Variants in CASD1 observed in about 807,000 individuals in gnomAD.
CASD1 encodes N-acetylneuraminate (7)9-O-acetyltransferase.
In CASD1, 41 loss-of-function variants were observed where a neutral mutation model predicts 100.0. The observed-to-expected ratio is 0.41, with a 90% CI of 0.32 to 0.53. The LOEUF is 0.53. Ranked by LOEUF, CASD1 falls within the 20% of genes least tolerant of loss-of-function variation. CASD1 has a pLI of 0.25. For synonymous variants in CASD1, 321 were observed against 315.6 expected, an observed-to-expected ratio of 1.02 and a Z score of -0.18; for missense variants, 774 against 948.7, an observed-to-expected ratio of 0.82 and a Z score of 2.42.
intron 10 of CASD1, among the ~76,000 whole-genome samples, chr7:94,541,751 G>A (rs534940370): frequency 5.9e-4 from 89 of 151,844 alleles, no homozygotes; most frequent in Non-Finnish European, 1.1e-3. Flanking sequence ...CAAAATAATA[G>A]AGAATTTTGA....
chr7:94,606,207 G>T, the CASD1 span, among the ~76,000 whole-genome samples: 1 of 152,090 alleles, frequency 6.6e-6, no homozygotes, highest in Non-Finnish European at 1.5e-5. Flanking sequence ...TGAAAAACAA[G>T]ATCCAACTAT....
At chr7:94,584,901 C>G in the CASD1 span, 1 of 152,340 alleles carries the variant, frequency 6.6e-6, no homozygotes, top group Admixed American at 6.5e-5. Context: ...CACCAAATAT[C>G]TGATTATGAA....
chr7:94,517,245 T>G (rs1024326767), intron 1 of CASD1, among the ~76,000 whole-genome samples: 1 of 152,084 alleles, frequency 6.6e-6, no homozygotes, highest in South Asian at 2.1e-4. Context: ...AGGGGAGATA[T>G]TCAGATGTAA....
chr7:94,615,862 C>G, the CASD1 span, among the ~76,000 whole-genome samples: 1 of 152,182 alleles, frequency 6.6e-6, no homozygotes, highest in African/African-American at 2.4e-5. Flanking sequence ...AGCTTTATCC[C>G]AGGCTAAATA....
intron 2 of CASD1, among the ~76,000 whole-genome samples, 180 bp from the exon 3 acceptor site, chr7:94,518,023 A>G: frequency 6.6e-6 from 1 of 152,210 alleles, no homozygotes; most frequent in Non-Finnish European, 1.5e-5. Context: ...GCTATTACAG[A>G]GAGTTAACTG....
chr7:94,600,375 C>A, the CASD1 span: 1 of 392,494 alleles, frequency 2.5e-6, no homozygotes, highest in Non-Finnish European at 4.7e-6. Context: ...AAATATCTAG[C>A]CTCAATTATT....
chr7:94,568,589 G>A, the CASD1 span, among the ~76,000 whole-genome samples: 1 of 152,138 alleles, frequency 6.6e-6, no homozygotes, highest in Non-Finnish European at 1.5e-5. Flanking sequence ...AAAATGTAAA[G>A]ACTTCCTAGG....
At chr7:94,599,118 C>T in the CASD1 span, 1 of 597,800 alleles carries the variant, frequency 1.7e-6, no homozygotes, top group Non-Finnish European at 2.9e-6. Flanking sequence ...GAAAGGCATA[C>T]ATCTCACATA....
the CASD1 span, among the ~76,000 whole-genome samples, chr7:94,632,330 A>G: frequency 6.6e-6 from 1 of 152,070 alleles, no homozygotes; most frequent in East Asian, 1.9e-4. Flanking sequence ...AAGAACTTGC[A>G]TAGAACATCT....
chr7:94,538,969 T>G lies in CASD1; in HGVS notation c.1269T>G (p.Thr423=), dbSNP rs1365480993. The G allele has an allele frequency of 6.3e-7, 1 of 1,577,190 alleles. No homozygotes were observed. Among genetic ancestry groups the G allele is most frequent in the Admixed American group, 1.7e-5 (1 of 58,906 alleles). The part of the protein sequence containing the change: ...GVFYNENTKE[T]KVLNREQTDE... Reference sequence around the variant, plus strand: ...CAGATTTTGGTTCCTTTACACAGACTAAAGTATTAAATAGAGAACAAACAG... The same window carrying G: ...CAGATTTTGGTTCCTTTACACAGACGAAAGTATTAAATAGAGAACAAACAG... The change falls in exon 10 of 18, where the codon ACT becomes ACG. Residue 423 remains threonine, a splice_region_variant and synonymous_variant. Transcript: ENST00000297273.
intron 13 of CASD1, 25 bp downstream of exon 13, chr7:94,547,200 ATTTT>A: frequency 6.9e-7 from 1 of 1,457,934 alleles, no homozygotes; most frequent in Non-Finnish European, 9.3e-7. Context: ...TTCAGTTTAT[ATTTT>A]TTCATATTTT....
At chr7:94,533,839 A>G (rs915063952) in intron 7 of CASD1, 37 bp downstream of exon 7, 3 of 1,498,986 alleles carry the variant, frequency 2.0e-6, no homozygotes, top group African/African-American at 2.8e-5. Flanking sequence ...CACTTTGTGT[A>G]TATTTTGAAG....
chr7:94,608,230 T>C, the CASD1 span, among the ~76,000 whole-genome samples: 1 of 152,158 alleles, frequency 6.6e-6, no homozygotes, highest in South Asian at 2.1e-4. Context: ...TAGTCCCAGC[T>C]TCTCAGGAGG....
At chr7:94,621,474 G>A in the CASD1 span, 1 of 152,144 alleles carries the variant, frequency 6.6e-6, no homozygotes, top group African/African-American at 2.4e-5. Context: ...GTATCTACTT[G>A]ACCACAGGTC....
chr7:94,577,367 G>T, the CASD1 span, among the ~76,000 whole-genome samples: 8 of 152,118 alleles, frequency 5.3e-5, no homozygotes, highest in Non-Finnish European at 1.2e-4. Flanking sequence ...TTTGTCATGT[G>T]TAGCCACTGA....
the CASD1 span, chr7:94,585,418 A>T: frequency 8.0e-7 from 1 of 1,253,378 alleles, no homozygotes. Flanking sequence ...AAGCTCATGC[A>T]TTATTGGAAG....
chr7:94,544,321 A>G, intron 10 of CASD1, 90 bp from the exon 11 acceptor site: 8 of 1,459,450 alleles, frequency 5.5e-6, no homozygotes, highest in Non-Finnish European at 7.5e-6. Context: ...GCTAATAATC[A>G]TTTATTATCT....
chr7:94,588,569 G>A, the CASD1 span: 2 of 1,530,466 alleles, frequency 1.3e-6, no homozygotes, highest in South Asian at 2.4e-5. Flanking sequence ...ATTAAGGAAT[G>A]ACACAAGTGT....
At chr7:94,599,980 A>G in the CASD1 span, 1,312 of 356,582 alleles carry the variant, frequency 3.7e-3, 22 homozygotes, top group African/African-American at 0.025. Flanking sequence ...AATAAATTCT[A>G]TGACATAATG....
Sources: allele counts gnomAD v4.1 joint callset (sites outside exome capture counted in the v4.1 genomes callset), GRCh38; gene constraint gnomAD v4.1.1; transcripts MANE v1.5; gene names NCBI Gene and HGNC (gene_info 2026-07-23, HGNC 2026-07-21).